The following COG4 variants were observed in gnomAD, a reference collection of about 807,000 sequenced individuals.
COG4 encodes the protein component of oligomeric golgi complex 4, also known as conserved oligomeric Golgi complex subunit 4.
Under a neutral mutation model 95.1 loss-of-function variants are expected in COG4, and 65 were observed. The ratio of observed to expected loss-of-function variants is 0.68; its 90% CI spans 0.56 to 0.84. The LOEUF (loss-of-function observed/expected upper bound fraction) is 0.84, where lower values mean the gene tolerates loss of function less well. Among genes scored for constraint, COG4 ranks in the 40% least tolerant of loss-of-function variants. The pLI is 0.00. For synonymous variants in COG4, 421 were observed against 374.8 expected, an observed-to-expected ratio of 1.12 and a Z score of -1.42; for missense variants, 1,045 against 989.1, an observed-to-expected ratio of 1.06 and a Z score of -0.76.
chr16:70,507,124 G>A (rs1173573670), intron 8 of COG4, among the ~76,000 whole-genome samples: 1 of 152,126 alleles, frequency 6.6e-6, no homozygotes, highest in Non-Finnish European at 1.5e-5. Flanking sequence ...ATGTGTCCCA[G>A]CTACTCGGGA....
chr16:70,516,135 T>C (rs1187378221), intron 3 of COG4: 1 of 446,204 alleles, frequency 2.2e-6, no homozygotes. Flanking sequence ...TAATATGGTG[T>C]ATTATTAGGA....
intron 13 of COG4, among the ~76,000 whole-genome samples, chr16:70,486,141 C>A (rs973653138): frequency 1.3e-5 from 2 of 152,134 alleles, no homozygotes; most frequent in Non-Finnish European, 2.9e-5. Flanking sequence ...GTGATCCGCC[C>A]GCCTTGGCCT....
At chr16:70,501,314 C>T (rs1174998440) in intron 8 of COG4, 8 of 572,752 alleles carry the variant, frequency 1.4e-5, no homozygotes, top group Non-Finnish European at 2.2e-5. Context: ...CCCTAAAATT[C>T]TGCCAGACCT....
In COG4 at chr16:70,512,417, G is replaced by C; in HGVS notation, c.560C>G (p.Ala187Gly). ...RQGKEGSMID[A>G]NLKLLQEAEQ... ...AGCTTCCTGCAGCAATTTCAGGTTG[G>C]CATCAATCATGCTCCCTGCTCAACA... Residue 187 changes from alanine to glycine, a missense_variant, in exon 5 of 19, where the codon GCC becomes GGC. Ala to Gly is a moderately conservative substitution (Grantham distance 60). Coordinates refer to ENST00000323786, the MANE Select transcript of COG4 (RefSeq NM_015386.3). The C allele has an allele frequency of 6.2e-7, 1 of 1,613,868 alleles. No individual in the cohort carries two copies. Among genetic ancestry groups the C allele is most frequent in the Non-Finnish European group, 8.5e-7 (1 of 1,179,892 alleles).
chr16:70,483,939 T>C lies in COG4; in HGVS notation c.1741A>G (p.Ile581Val). The C allele has an allele frequency of 6.2e-7, 1 of 1,613,056 alleles. No individual in the cohort carries two copies. Among genetic ancestry groups the C allele is most frequent in the East Asian group, 2.2e-5 (1 of 44,880 alleles). ...TTGGCCTGGGCCTGCTCCCCTCCAA[T>C]GCCCTGGCTGAAGAGCTTGGTGCAG... ...SDCTKLFSQG[I>V]GGEQAQAKFD... Residue 581 changes from isoleucine (I) to valine (V), a missense_variant, in exon 14 of 19, where the codon ATT becomes GTT. Transcript: ENST00000323786.
chr16:70,486,064 T>G (rs2049127354), intron 13 of COG4, among the ~76,000 whole-genome samples: 1 of 151,596 alleles, frequency 6.6e-6, no homozygotes, highest in Admixed American at 6.6e-5. Flanking sequence ...CTCTGCTAAT[T>G]TTTTGTATTT....
At chr16:70,513,119 T>C (rs984891810) in intron 4 of COG4, among the ~76,000 whole-genome samples, 17 of 152,164 alleles carry the variant, frequency 1.1e-4, no homozygotes, top group African/African-American at 4.1e-4. Context: ...GCAAAGGGAA[T>C]GAAAGACATG....
At chr16:70,492,857 G>T (rs771580397) in intron 12 of COG4, among the ~76,000 whole-genome samples, 21 of 151,872 alleles carry the variant, frequency 1.4e-4, no homozygotes, top group Admixed American at 2.0e-4. Context: ...CAGCTACTTG[G>T]GGGGCTGAGG....
rs1391178979 is a variant in COG4, at chr16:70,509,958, C to T, written c.802G>A (p.Ala268Thr). 6.2e-7 allele frequency: 1 copy of T among 1,614,012 alleles called. No individual in the cohort carries two copies. Among genetic ancestry groups the T allele is most frequent in the South Asian group, 1.1e-5 (1 of 91,080 alleles). Residue 268 changes from alanine to threonine, a missense_variant, in exon 6 of 19, where the codon GCT (alanine) becomes ACT (threonine). Ala to Thr is a moderately conservative substitution (Grantham distance 58, BLOSUM62 0). Transcript: ENST00000323786. ...VLGTDMSDRR[A>T]AVIFADTLTL... ...AGTGTATCTGCAAAGATGACTGCAG[C>T]TCTCCGATCACTCATGTCTGTCCCC...
chr16:70,506,626 A>AAAAAAAT (rs2049581766), intron 8 of COG4, among the ~76,000 whole-genome samples: 1 of 135,382 alleles, frequency 7.4e-6, no homozygotes, highest in Non-Finnish European at 1.5e-5. Context: ...AACAAAAAAA[A>AAAAAAAT]AAACATTTAG....
chr16:70,519,328 C>A lies in COG4; in HGVS notation c.254+321G>T, dbSNP rs1396452861. On this transcript the variant is annotated intron_variant, in intron 2 of 18. Transcript: ENST00000323786. ...ATTTTTAGTAGAGACGGGGTTTCACCTTGTTAGCCAGGATGGTCTCGATCT... is the reference window on the plus strand; with the variant it reads ...ATTTTTAGTAGAGACGGGGTTTCACATTGTTAGCCAGGATGGTCTCGATCT... 1.9e-4 allele frequency among the ~76,000 whole-genome samples: 8 copies of A among 42,062 alleles called. 3 individuals are homozygous for A. The highest frequency in any genetic ancestry group is 8.9e-4 in the Admixed American group (4 of 4,510). 27.6% of individuals were successfully genotyped at this position (42,062 alleles called of 152,430 possible).
intron 9 of COG4, among the ~76,000 whole-genome samples, chr16:70,499,950 G>A (rs562040949): frequency 2.6e-5 from 4 of 151,962 alleles, no homozygotes; most frequent in South Asian, 4.2e-4. Flanking sequence ...GTGAGCCACC[G>A]CGCCCGACCT....
intron 1 of COG4, among the ~76,000 whole-genome samples, chr16:70,521,926 T>G (rs1349221315): frequency 6.6e-6 from 1 of 150,672 alleles, no homozygotes; most frequent in Non-Finnish European, 1.5e-5. Context: ...TGGTCTCGAT[T>G]TCCTGACCTC....
At chr16:70,509,730 T>C in intron 6 of COG4, 186 bp downstream of exon 6, 1 of 639,546 alleles carries the variant, frequency 1.6e-6, no homozygotes, top group Non-Finnish European at 2.8e-6. Flanking sequence ...ATCAAAACAC[T>C]GGAGAGACTC....
Position 70,506,275 on chromosome 16 carries a change from C to T in COG4, c.1061+2131G>A, listed in dbSNP as rs193073108. 1.5e-4 allele frequency among the ~76,000 whole-genome samples: 22 copies of T among 151,290 alleles called. No homozygotes were observed. In the East Asian group the frequency reaches 2.9e-3, roughly 20 times the overall value. On this transcript the variant is annotated intron_variant, in intron 8 of 18. Coordinates refer to ENST00000323786, the MANE Select transcript of COG4 (RefSeq NM_015386.3). ...AAAATTAGCTGGGCATGGTGGTGGG[C>T]GACTGTAGTCCCAGCTACACGGGAG... is the stretch of plus-strand genomic sequence containing the variant.
At chr16:70,504,014 A>G (rs1306542205) in intron 8 of COG4, among the ~76,000 whole-genome samples, 1 of 152,156 alleles carries the variant, frequency 6.6e-6, no homozygotes, top group East Asian at 1.9e-4. Context: ...TACACTCAGT[A>G]TATCACAGTG....
chr16:70,506,749 G>A (rs1244001816), intron 8 of COG4, among the ~76,000 whole-genome samples: 1 of 150,400 alleles, frequency 6.6e-6, no homozygotes, highest in African/African-American at 2.4e-5. Context: ...TTGTGTCACT[G>A]TACCACTTCA....
intron 8 of COG4, among the ~76,000 whole-genome samples, chr16:70,504,425 G>A (rs1450804713): frequency 3.3e-5 from 5 of 151,924 alleles, no homozygotes; most frequent in African/African-American, 7.2e-5. Flanking sequence ...TAGACAACAC[G>A]GTGAAACCCC....
chr16:70,518,524 AATTT>A (rs1417959406), intron 2 of COG4, among the ~76,000 whole-genome samples: 2 of 151,886 alleles, frequency 1.3e-5, no homozygotes, highest in African/African-American at 2.4e-5. Context: ...ATGCCCAACT[AATTT>A]ATTTATTTAT....
Sources: allele counts gnomAD v4.1 joint callset (sites outside exome capture counted in the v4.1 genomes callset), GRCh38; gene constraint gnomAD v4.1.1; transcripts MANE v1.5; gene names NCBI Gene and HGNC (gene_info 2026-07-23, HGNC 2026-07-21).